SHTN1: variants seen among roughly 807,000 people sequenced by gnomAD.
SHTN1 encodes shootin 1.
In SHTN1, 42 loss-of-function variants were observed where a neutral mutation model predicts 83.1. That is an observed-to-expected ratio of 0.51 (90% CI 0.39 to 0.65). The LOEUF (loss-of-function observed/expected upper bound fraction) is 0.65. Ranked by LOEUF, SHTN1 falls within the 30% of genes least tolerant of loss-of-function variation. The probability of loss-of-function intolerance (pLI) is 0.00; values close to 1 mark genes in which losing one functional copy is unlikely to be tolerated. For missense variants in SHTN1, 622 were observed against 737.8 expected (o/e 0.84, Z 1.82); for synonymous variants, 224 against 247.7 (o/e 0.90, Z 0.90).
intron 2 of SHTN1, among the ~76,000 whole-genome samples, chr10:117,017,842 T>G (rs1169802280): frequency 3.3e-5 from 5 of 152,178 alleles, no homozygotes; most frequent in Non-Finnish European, 7.3e-5. Flanking sequence ...TCATATTTAT[T>G]AACTTACATT....
Position 116,885,398 on chromosome 10 carries a change from G to C in SHTN1, c.*946C>G, listed in dbSNP as rs1847135577. ...GATTACATTTCTATTTATTCACTGT[G>C]GTAGCCTGAAACATTGTATTTTTAG... On this transcript the variant is annotated 3_prime_UTR_variant, in exon 17 of 17. Transcript: ENST00000355371. 2.6e-5 allele frequency: 4 copies of C among 151,410 alleles called. No individual in the cohort carries two copies. In the South Asian group the frequency reaches 6.3e-4, roughly 24 times the overall value. 9.4% of individuals were successfully genotyped at this position (151,410 alleles called of 1,614,324 possible).
intron 1 of SHTN1, among the ~76,000 whole-genome samples, chr10:117,049,963 G>A (rs921930513): frequency 2.6e-5 from 4 of 152,060 alleles, no homozygotes; most frequent in Non-Finnish European, 5.9e-5. Context: ...AATAGAAAAA[G>A]AAGGGCAAAT....
upstream of SHTN1, among the ~76,000 whole-genome samples, chr10:117,007,617 G>A (rs1319012959): frequency 6.7e-6 from 1 of 148,820 alleles, no homozygotes; most frequent in Non-Finnish European, 1.5e-5. Flanking sequence ...TTGAGGACAT[G>A]GTATGAATTA....
At position 117,106,874 on chromosome 10, in the gene SHTN1, T is replaced by A. The variant is rs568163806; in HGVS notation, c.-189+19433A>T. On this transcript the variant is annotated intron_variant, in intron 1 of 17. Transcript: ENST00000392901. ...TATCCTTAAAAACCTGACAAATTACTTAGTCTCTCTGTATCTCATTTTCCT... is the reference window on the plus strand; with the variant it reads ...TATCCTTAAAAACCTGACAAATTACATAGTCTCTCTGTATCTCATTTTCCT... Among the ~76,000 whole-genome samples, 113 of 152,244 alleles carry A rather than the reference T, an allele frequency of 7.4e-4. 2 individuals carry two copies. In the South Asian group the frequency reaches 0.022, roughly 30 times the overall value.
chr10:116,908,017 G>A (rs1241955746), intron 14 of SHTN1: 4 of 456,260 alleles, frequency 8.8e-6, no homozygotes, highest in Non-Finnish European at 1.8e-5. Context: ...CAAAAAAAAG[G>A]TGCTTGTAAA....
chr10:117,005,399 A>T, upstream of SHTN1: 2 of 1,157,248 alleles, frequency 1.7e-6, no homozygotes, highest in Non-Finnish European at 2.1e-6. Flanking sequence ...CGCTGGTGGG[A>T]GGGGGGGCGG....
At chr10:117,004,279 G>A (rs1851930304) in intron 1 of SHTN1, among the ~76,000 whole-genome samples, 2 of 152,126 alleles carry the variant, frequency 1.3e-5, no homozygotes, top group African/African-American at 2.4e-5. Context: ...GCATTTGGTT[G>A]TTGATCTGGT....
At chr10:117,089,195 T>C (rs1184144985) in intron 1 of SHTN1, among the ~76,000 whole-genome samples, 1 of 152,132 alleles carries the variant, frequency 6.6e-6, no homozygotes, top group African/African-American at 2.4e-5. Flanking sequence ...ACAAGGGAAT[T>C]TTGAGGGTGA....
At chr10:116,998,832 C>T (rs75106988) in intron 1 of SHTN1, among the ~76,000 whole-genome samples, 16 of 152,264 alleles carry the variant, frequency 1.1e-4, no homozygotes, top group Admixed American at 5.9e-4. Flanking sequence ...AAGTTCTGGG[C>T]TCTAGATGTG....
intron 1 of SHTN1, 112 bp downstream of exon 1, chr10:117,004,910 G>C: frequency 4.4e-6 from 4 of 908,734 alleles, no homozygotes; most frequent in East Asian, 5.7e-5. Flanking sequence ...CGGTGACCAC[G>C]GCGGCCGCCA....
chr10:116,969,689 G>C (rs772244576), intron 2 of SHTN1, among the ~76,000 whole-genome samples: 31 of 152,178 alleles, frequency 2.0e-4, no homozygotes, highest in Non-Finnish European at 4.3e-4. Context: ...AACTATTAGA[G>C]CATAAGGACC....
At chr10:117,053,078 C>CAAATA (rs1461367826) in intron 1 of SHTN1, among the ~76,000 whole-genome samples, 2 of 141,798 alleles carry the variant, frequency 1.4e-5, no homozygotes, top group African/African-American at 5.1e-5. Context: ...ATAGCATTTA[C>CAAATA]AAATATTAAC....
chr10:117,058,816 G>T (rs1174605582), intron 1 of SHTN1, among the ~76,000 whole-genome samples: 6 of 152,144 alleles, frequency 3.9e-5, no homozygotes, highest in Admixed American at 3.9e-4. Flanking sequence ...CCCTTAAAAA[G>T]GAAAGAAATT....
intron 6 of SHTN1, among the ~76,000 whole-genome samples, chr10:116,951,197 A>G (rs1181175728): frequency 6.6e-6 from 1 of 152,180 alleles, no homozygotes; most frequent in African/African-American, 2.4e-5. Flanking sequence ...CCAAGGTGGG[A>G]AGATCATTCA....
intron 1 of SHTN1, among the ~76,000 whole-genome samples, chr10:117,098,625 G>A (rs1428335241): frequency 1.3e-5 from 2 of 151,960 alleles, no homozygotes; most frequent in East Asian, 3.9e-4. Flanking sequence ...CACTGATCAC[G>A]CCAAAGTCCA....
rs867479423 is a variant in SHTN1 at position 116,905,070 on chromosome 10, G to A, written c.1480+1557C>T. ...CAAAAAATTAGCCGGGCGCGGTGGCGGGCGCCTGTAGTCCCAGCTACTGGG... is the reference window on the plus strand; with the variant it reads ...CAAAAAATTAGCCGGGCGCGGTGGCAGGCGCCTGTAGTCCCAGCTACTGGG... On this transcript the variant is annotated intron_variant, in intron 15 of 16. Transcript: ENST00000355371. Among the ~76,000 whole-genome samples the A allele has an allele frequency of 4.0e-5, 6 of 151,662 alleles. 1 individual carries two copies. The highest frequency in any genetic ancestry group is 3.4e-3 in the Middle Eastern group (1 of 294).
At chr10:116,893,007 C>T (rs1035573731) in intron 16 of SHTN1, among the ~76,000 whole-genome samples, 2 of 152,154 alleles carry the variant, frequency 1.3e-5, no homozygotes, top group African/African-American at 2.4e-5. Context: ...TGTTAGAAGG[C>T]AATTAATTCT....
intron 16 of SHTN1, among the ~76,000 whole-genome samples, chr10:116,888,335 A>T (rs2133297973): frequency 6.6e-6 from 1 of 152,290 alleles, no homozygotes; most frequent in South Asian, 2.1e-4. Context: ...CACAATATTT[A>T]AAAGCCTGTG....
At chr10:117,001,095 T>C (rs1405901636) in intron 1 of SHTN1, among the ~76,000 whole-genome samples, 2 of 151,834 alleles carry the variant, frequency 1.3e-5, no homozygotes, top group African/African-American at 4.8e-5. Context: ...CTAGGAAATA[T>C]GCCTCGGAAA....
Sources: allele counts gnomAD v4.1 joint callset (sites outside exome capture counted in the v4.1 genomes callset), GRCh38; gene constraint gnomAD v4.1.1; transcripts MANE v1.5; gene names NCBI Gene and HGNC (gene_info 2026-07-23, HGNC 2026-07-21).